ADAM28: variants seen among roughly 807,000 people sequenced by gnomAD.
The protein encoded by ADAM28 is ADAM metallopeptidase domain 28.
Under a neutral mutation model 101.2 loss-of-function variants are expected in ADAM28, and 105 were observed. The ratio of observed to expected loss-of-function variants is 1.04; its 90% CI spans 0.89 to 1.22. The LOEUF is 1.22. Ranked by LOEUF, ADAM28 falls within the 50% of genes most tolerant of loss-of-function variation. The probability of loss-of-function intolerance (pLI) is 0.00; values close to 1 mark genes in which losing one functional copy is unlikely to be tolerated. For synonymous variants in ADAM28, 322 were observed against 310.6 expected, an observed-to-expected ratio of 1.04 and a Z score of -0.39; for missense variants, 1,028 against 945.4, an observed-to-expected ratio of 1.09 and a Z score of -1.15.
chr8:24,319,301 C>T (rs1051393569), intron 6 of ADAM28, among the ~76,000 whole-genome samples: 6 of 151,918 alleles, frequency 3.9e-5, no homozygotes, highest in African/African-American at 1.4e-4. Flanking sequence ...CCTAGTAACT[C>T]AATGTCACAT....
intron 10 of ADAM28, among the ~76,000 whole-genome samples, chr8:24,329,654 A>G (rs2129303921): frequency 6.6e-6 from 1 of 152,284 alleles, no homozygotes; most frequent in East Asian, 1.9e-4. Context: ...CTAAAAGGCA[A>G]GCCAAATGTA....
intron 6 of ADAM28, among the ~76,000 whole-genome samples, chr8:24,316,371 A>G (rs1811164784): frequency 6.6e-6 from 1 of 151,980 alleles, no homozygotes; most frequent in Non-Finnish European, 1.5e-5. Context: ...TCGAGTTTTG[A>G]TAAGAAAGGT....
intron 18 of ADAM28, among the ~76,000 whole-genome samples, chr8:24,347,258 A>T (rs1408256849): frequency 2.6e-5 from 4 of 152,110 alleles, no homozygotes; most frequent in African/African-American, 9.7e-5. Context: ...GCAACCTTTG[A>T]ATAAACCTAA....
At chr8:24,321,187 T>C (rs1811828490) in intron 7 of ADAM28, 31 bp from the exon 8 acceptor site, 1 of 1,373,218 alleles carries the variant, frequency 7.3e-7, no homozygotes, top group Non-Finnish European at 1.0e-6. Flanking sequence ...TTTTTATCAA[T>C]GCCCATATTC....
chr8:24,341,830 G>C, intron 16 of ADAM28, 73 bp downstream of exon 16: 1 of 1,592,552 alleles, frequency 6.3e-7, no homozygotes, highest in East Asian at 2.2e-5. Context: ...TTGCCCCTCG[G>C]TTATTCACTA....
In ADAM28 at chr8:24,357,462, A is replaced by T. The variant is rs1816755958; in HGVS notation, c.*3058A>T. ...CTCAGGAAACTTACAATCATGATGA[A>T]AGAGGAAGCAGAAACATCTCATATG... On this transcript the variant is annotated 3_prime_UTR_variant, in exon 23 of 23. Coordinates refer to ENST00000265769, the MANE Select transcript of ADAM28 (RefSeq NM_014265.6). 1 of 152,176 alleles carries T rather than the reference A, an allele frequency of 6.6e-6. No individual in the cohort carries two copies. Among genetic ancestry groups the T allele is most frequent in the Non-Finnish European group, 1.5e-5 (1 of 68,036 alleles). 9.4% of individuals were successfully genotyped at this position (152,176 alleles called of 1,614,324 possible). A position where few individuals can be genotyped will look rare whatever the true frequency, so the allele number is the denominator to read the frequency against.
Position 24,310,218 on chromosome 8 carries a change from A to C in ADAM28, c.283A>C (p.Ile95Leu), listed in dbSNP as rs774182512. The C allele has an allele frequency of 1.2e-6, 2 of 1,613,446 alleles. No individual in the cohort carries two copies. Among genetic ancestry groups the C allele is most frequent in the South Asian group, 1.1e-5 (1 of 91,074 alleles). Residue 95 changes from isoleucine (I) to leucine (L), a missense_variant, in exon 4 of 23, where the codon ATC (isoleucine) becomes CTC (leucine). Physicochemically the swap from Ile to Leu is conservative, Grantham distance 5 (BLOSUM62 2). Coordinates refer to ENST00000265769, the MANE Select transcript of ADAM28 (RefSeq NM_014265.6). ...ETYYNSTGKEITTSPQIMDDC... is the reference protein window; with the variant it reads ...ETYYNSTGKELTTSPQIMDDC... ...ATATTATAATTCCACTGGAAAGGAG[A>C]TCACCACAAGCCCACAAATTATGGT...
At chr8:24,332,385 A>T (rs185281847) in intron 12 of ADAM28, among the ~76,000 whole-genome samples, 138 of 152,252 alleles carry the variant, frequency 9.1e-4, no homozygotes, top group Admixed American at 1.8e-3. Context: ...TTTTTTCTTC[A>T]TATTTTACCA....
intron 6 of ADAM28, among the ~76,000 whole-genome samples, chr8:24,315,663 C>G (rs1811068869): frequency 6.6e-6 from 1 of 151,760 alleles, no homozygotes; most frequent in African/African-American, 2.4e-5. Context: ...TTGTTACAAG[C>G]CCAGCATTAC....
chr8:24,329,895 G>GAT (rs1438250897), intron 10 of ADAM28, 90 bp from the exon 11 acceptor site: 110 of 1,292,876 alleles, frequency 8.5e-5, no homozygotes, highest in East Asian at 1.5e-4. Context: ...GTGAGAGAGA[G>GAT]AGAGAGAGAG....
At chr8:24,351,563 CTT>C (rs2129342217) in intron 20 of ADAM28, 2 of 550,946 alleles carry the variant, frequency 3.6e-6, no homozygotes, top group Admixed American at 5.7e-5. Flanking sequence ...CTGTCTCTCT[CTT>C]TGTCTCTGCT....
At position 24,339,547 on chromosome 8, in the gene ADAM28, C is replaced by T; in HGVS notation, c.1649C>T (p.Thr550Ile). ...KYGYCRRVDDTLIPCKANDTM... is the reference protein window; with the variant it reads ...KYGYCRRVDDILIPCKANDTM... ...GGGTACTGTCGCAGAGTGGATGACA[C>T]ACTCATTCCCTGCAAAGCAAAGTAA... Residue 550 changes from threonine (T) to isoleucine (I), a missense_variant, in exon 15 of 23, where the codon ACA becomes ATA. Coordinates refer to ENST00000265769, the MANE Select transcript of ADAM28 (RefSeq NM_014265.6). 1 of 1,612,248 alleles carries T rather than the reference C, an allele frequency of 6.2e-7. No individual in the cohort carries two copies. Among genetic ancestry groups the T allele is most frequent in the South Asian group, 1.1e-5 (1 of 90,626 alleles).
chr8:24,327,646 G>T (rs1167254701), intron 10 of ADAM28, among the ~76,000 whole-genome samples: 3 of 152,068 alleles, frequency 2.0e-5, no homozygotes, highest in African/African-American at 4.8e-5. Flanking sequence ...ATACTACAAG[G>T]CTACAGTAAG....
At chr8:24,329,850 T>A in intron 10 of ADAM28, 135 bp from the exon 11 acceptor site, 1 of 784,212 alleles carries the variant, frequency 1.3e-6, no homozygotes, top group Non-Finnish European at 2.0e-6. Context: ...TCTTGCTCTG[T>A]GTGTGTGTGT....
chr8:24,324,076 AG>A, intron 9 of ADAM28, 73 bp downstream of exon 9: 1 of 1,460,128 alleles, frequency 6.8e-7, no homozygotes, highest in Non-Finnish European at 9.4e-7. Flanking sequence ...TGGCAAAGTG[AG>A]GGGTGCACAT....
intron 10 of ADAM28, among the ~76,000 whole-genome samples, chr8:24,328,097 G>A (rs1812867769): frequency 6.6e-6 from 1 of 151,772 alleles, no homozygotes; most frequent in Admixed American, 6.6e-5. Context: ...TCACTTCATT[G>A]CATTTCCAGC....
At chr8:24,300,218 G>A in intron 2 of ADAM28, 141 bp downstream of exon 2, 1 of 519,340 alleles carries the variant, frequency 1.9e-6, no homozygotes, top group Non-Finnish European at 3.1e-6. Flanking sequence ...GTGTGCCTGT[G>A]TGTTTCAAGT....
At chr8:24,303,987 G>GT (rs1160744174) in intron 2 of ADAM28, among the ~76,000 whole-genome samples, 9 of 151,450 alleles carry the variant, frequency 5.9e-5, no homozygotes, top group East Asian at 1.9e-4. Context: ...CTCTTTATGT[G>GT]TTTTTTTCTC....
chr8:24,314,123 A>G (rs1298478725), intron 6 of ADAM28, among the ~76,000 whole-genome samples: 1 of 152,204 alleles, frequency 6.6e-6, no homozygotes, highest in Non-Finnish European at 1.5e-5. Context: ...ACTGCCCTCT[A>G]GAAGCAGGAA....
Sources: allele counts gnomAD v4.1 joint callset (sites outside exome capture counted in the v4.1 genomes callset), GRCh38; gene constraint gnomAD v4.1.1; transcripts MANE v1.5; gene names NCBI Gene and HGNC (gene_info 2026-07-23, HGNC 2026-07-21).